The following SCAMP1 variants were observed in gnomAD, a reference collection of about 807,000 sequenced individuals.
SCAMP1 encodes the protein secretory carrier-associated membrane protein 1.
A neutral mutation model predicts 41.8 loss-of-function variants in SCAMP1; 15 were observed. The ratio of observed to expected loss-of-function variants is 0.36; its 90% CI spans 0.24 to 0.55. SCAMP1 has a LOEUF of 0.55. Among genes scored for constraint, SCAMP1 ranks in the 20% least tolerant of loss-of-function variants. The probability of loss-of-function intolerance (pLI) is 0.86; values close to 1 mark genes in which losing one functional copy is unlikely to be tolerated. For missense variants in SCAMP1, 341 were observed against 412.6 expected (o/e 0.83, Z 1.50); for synonymous variants, 135 against 136.8 (o/e 0.99, Z 0.09).
intron 8 of SCAMP1, among the ~76,000 whole-genome samples, chr5:78,460,614 G>A (rs555278938): frequency 6.5e-4 from 98 of 150,576 alleles, no homozygotes; most frequent in African/African-American, 2.3e-3. Context: ...TTGTTGATTT[G>A]TTTAAGTCCT....
chr5:78,462,231 A>G (rs117237378), intron 8 of SCAMP1, among the ~76,000 whole-genome samples: 21 of 126,970 alleles, frequency 1.7e-4, no homozygotes, highest in Non-Finnish European at 2.6e-4. Flanking sequence ...GTGTGTGTCT[A>G]TTGTAAATGG....
chr5:78,451,038 T>C (rs1438858550), intron 7 of SCAMP1, among the ~76,000 whole-genome samples: 2 of 152,248 alleles, frequency 1.3e-5, no homozygotes, highest in South Asian at 2.1e-4. Flanking sequence ...ATTAAAAATA[T>C]ACTGCTTACT....
At chr5:78,433,042 T>C (rs1340191699) in intron 6 of SCAMP1, among the ~76,000 whole-genome samples, 2 of 152,210 alleles carry the variant, frequency 1.3e-5, no homozygotes, top group Admixed American at 6.5e-5. Context: ...ACTCTTCATC[T>C]CTGTTATGAT....
chr5:78,391,155 A>G (rs1443869365), intron 2 of SCAMP1, among the ~76,000 whole-genome samples: 5 of 151,938 alleles, frequency 3.3e-5, no homozygotes, highest in Middle Eastern at 3.2e-3. Context: ...CCCGTTCTCA[A>G]TGAGCTGTTG....
chr5:78,460,368 G>A (rs914334057), intron 8 of SCAMP1, among the ~76,000 whole-genome samples: 12 of 152,212 alleles, frequency 7.9e-5, no homozygotes, highest in Non-Finnish European at 1.8e-4. Flanking sequence ...TTATATTCCC[G>A]TCAACGGTAT....
At chr5:78,368,557 A>G (rs1316967666) in intron 1 of SCAMP1, among the ~76,000 whole-genome samples, 1 of 152,234 alleles carries the variant, frequency 6.6e-6, no homozygotes, top group African/African-American at 2.4e-5. Context: ...ATTAGTGATC[A>G]GTTCCTTAAA....
chr5:78,368,405 C>A (rs979389502), intron 1 of SCAMP1, among the ~76,000 whole-genome samples: 1 of 152,150 alleles, frequency 6.6e-6, no homozygotes, highest in Non-Finnish European at 1.5e-5. Context: ...TGTTCTTGTG[C>A]TGATATTACC....
Position 78,361,029 on chromosome 5 carries a change from G to A in SCAMP1, c.57+301G>A, listed in dbSNP as rs370245145. 27 of 339,650 alleles carry A rather than the reference G, an allele frequency of 7.9e-5. 1 individual carries two copies. Among genetic ancestry groups the A allele is most frequent in the East Asian group, 3.6e-4 (6 of 16,802 alleles). The allele number at this position is 339,650 out of a possible 1,614,324, so 21.0% of individuals were successfully genotyped here. On this transcript the variant is annotated intron_variant, in intron 1 of 8. Transcript: ENST00000621999. ...CGCGCGCCCGGAGGGGTCCTGGCCC[G>A]CCTCTCAGGAGAGAAAGCCGAGGGC...
intron 8 of SCAMP1, 68 bp from the exon 9 acceptor site, chr5:78,475,436 T>C (rs1561292892): frequency 8.3e-7 from 1 of 1,202,844 alleles, no homozygotes; most frequent in Non-Finnish European, 1.1e-6. Context: ...AATGTTGAGA[T>C]TAAGAGCTGC....
intron 1 of SCAMP1, among the ~76,000 whole-genome samples, chr5:78,381,383 CACTGGTT>C (rs1751202381): frequency 6.6e-6 from 1 of 152,170 alleles, no homozygotes; most frequent in Admixed American, 6.5e-5. Context: ...TTTGAGGACT[CACTGGTT>C]ACTGGTTTTG....
chr5:78,413,250 T>G (rs1230282540), intron 2 of SCAMP1, among the ~76,000 whole-genome samples: 1 of 152,192 alleles, frequency 6.6e-6, no homozygotes, highest in Non-Finnish European at 1.5e-5. Context: ...ATATCAAGTT[T>G]CTGCATTTGT....
intron 5 of SCAMP1, among the ~76,000 whole-genome samples, chr5:78,420,213 G>A (rs1176683157): frequency 2.0e-5 from 3 of 151,994 alleles, no homozygotes; most frequent in Admixed American, 6.6e-5. Context: ...ATGCCATCAC[G>A]CCTGGCTAAT....
intron 6 of SCAMP1, among the ~76,000 whole-genome samples, chr5:78,446,448 A>T (rs1295277073): frequency 6.6e-6 from 1 of 152,120 alleles, no homozygotes. Context: ...TTTATAATGT[A>T]AAATATTTTA....
chr5:78,447,104 TTATGAGAATCTAATACC>T (rs1272031189), intron 6 of SCAMP1, among the ~76,000 whole-genome samples: 8 of 152,250 alleles, frequency 5.3e-5, no homozygotes, highest in African/African-American at 1.9e-4. Flanking sequence ...TGCATGCTCC[TTATGAGAATCTAATACC>T]TGATGATCTG....
chr5:78,441,262 GA>G (rs1259099047), intron 6 of SCAMP1, among the ~76,000 whole-genome samples: 1 of 152,198 alleles, frequency 6.6e-6, no homozygotes, highest in East Asian at 1.9e-4. Flanking sequence ...TGGAAATGCA[GA>G]AATCATCTGT....
Position 78,418,922 on chromosome 5 carries a change from A to G in SCAMP1, c.472+19A>G, listed in dbSNP as rs1429643442. ...TGGATGTGTGAGTATACAACAATTT[A>G]CATCTTTGCTTAGAATTTGTATTTT... On this transcript the variant is annotated intron_variant, in intron 5 of 8. Coordinates refer to ENST00000621999, the MANE Select transcript of SCAMP1 (RefSeq NM_004866.6). 1 of 1,541,592 alleles carries G rather than the reference A, an allele frequency of 6.5e-7. No individual in the cohort carries two copies. Among genetic ancestry groups the G allele is most frequent in the Admixed American group, 2.2e-5 (1 of 46,270 alleles).
intron 2 of SCAMP1, among the ~76,000 whole-genome samples, chr5:78,392,157 T>C (rs1751535167): frequency 6.6e-6 from 1 of 152,200 alleles, no homozygotes; most frequent in African/African-American, 2.4e-5. Context: ...TGTTTAGCAT[T>C]TTTATATAGT....
intron 2 of SCAMP1, among the ~76,000 whole-genome samples, chr5:78,404,864 T>C (rs1161847347): frequency 1.3e-5 from 2 of 152,286 alleles, no homozygotes; most frequent in Non-Finnish European, 2.9e-5. Flanking sequence ...ATGAGTTGAG[T>C]TCCTGGAGAT....
chr5:78,401,640 G>T (rs1751800970), intron 2 of SCAMP1, among the ~76,000 whole-genome samples: 1 of 152,088 alleles, frequency 6.6e-6, no homozygotes. Context: ...GTATGTCTTG[G>T]TTATCATTTT....
Sources: gnomAD v4.1 joint callset for allele counts (sites outside exome capture counted in the v4.1 genomes callset) on GRCh38, gnomAD v4.1.1 for gene constraint, MANE v1.5 for transcripts, NCBI Gene and HGNC (gene_info 2026-07-23, HGNC 2026-07-21) for gene names.